GABRB1: variants seen among roughly 807,000 people sequenced by gnomAD.
GABRB1 encodes gamma-aminobutyric acid type A receptor subunit beta1.
Under a neutral mutation model 51.6 loss-of-function variants are expected in GABRB1, and 17 were observed. That is an observed-to-expected ratio of 0.33 (90% CI 0.23 to 0.49). The LOEUF is 0.49. Among genes scored for constraint, GABRB1 ranks in the 20% least tolerant of loss-of-function variants. The pLI is 0.99. For missense variants in GABRB1, 410 were observed against 600.6 expected (o/e 0.68, Z 3.32); for synonymous variants, 247 against 218.9 (o/e 1.13, Z -1.14).
At chr4:47,356,774 G>A (rs1460947622) in intron 5 of GABRB1, among the ~76,000 whole-genome samples, 1 of 152,064 alleles carries the variant, frequency 6.6e-6, no homozygotes. Flanking sequence ...ACCCAGAATT[G>A]ACATTTATTT....
chr4:47,162,180 G>A (rs1375743079), intron 4 of GABRB1, among the ~76,000 whole-genome samples: 1 of 152,048 alleles, frequency 6.6e-6, no homozygotes, highest in Non-Finnish European at 1.5e-5. Context: ...GTTCCCTTGA[G>A]TCTATTGATA....
intron 3 of GABRB1, among the ~76,000 whole-genome samples, chr4:47,132,689 C>T (rs1463376851): frequency 6.6e-6 from 1 of 152,078 alleles, no homozygotes. Context: ...ATTTCTTGAA[C>T]GAAGGAAAAT....
intron 1 of GABRB1, among the ~76,000 whole-genome samples, chr4:47,022,631 A>AATAG (rs2109453796): frequency 6.6e-6 from 1 of 152,202 alleles, no homozygotes; most frequent in African/African-American, 2.4e-5. Flanking sequence ...AATAGCTTAG[A>AATAG]TCCAAAAGAC....
intron 5 of GABRB1, among the ~76,000 whole-genome samples, chr4:47,393,282 A>G (rs1728070115): frequency 6.6e-6 from 1 of 152,246 alleles, no homozygotes; most frequent in Admixed American, 6.5e-5. Context: ...TTTGACTGCA[A>G]GCAAAAATGA....
chr4:47,293,895 C>T (rs546067381), intron 4 of GABRB1, among the ~76,000 whole-genome samples: 2 of 152,264 alleles, frequency 1.3e-5, no homozygotes, highest in African/African-American at 4.8e-5. Context: ...ATAAGCATTT[C>T]AGCTGACTAG....
chr4:47,267,471 C>T (rs187642880), intron 4 of GABRB1, among the ~76,000 whole-genome samples: 3 of 151,670 alleles, frequency 2.0e-5, no homozygotes, highest in East Asian at 1.9e-4. Flanking sequence ...ATTCAGTCAT[C>T]GAAATGACAG....
chr4:47,135,799 A>G (rs569177938), intron 3 of GABRB1, among the ~76,000 whole-genome samples: 1 of 152,110 alleles, frequency 6.6e-6, no homozygotes, highest in East Asian at 1.9e-4. Context: ...CTCTTTCCTG[A>G]CTTAAAAAAA....
chr4:47,235,960 T>C lies in GABRB1; in HGVS notation c.461+74491T>C, dbSNP rs115660597. Among the ~76,000 whole-genome samples, 440 of 152,198 alleles carry C rather than the reference T, an allele frequency of 2.9e-3. 3 individuals carry two copies. The highest frequency in any genetic ancestry group is 0.01 in the African/African-American group (430 of 41,564). On this transcript the variant is annotated intron_variant, in intron 4 of 8. Transcript: ENST00000295454. ...CACAAACGTCCCCATTCCTCCAAAA[T>C]TTCTCATTTAAAATGGATTGAAGTG...
intron 5 of GABRB1, among the ~76,000 whole-genome samples, chr4:47,325,228 A>G (rs952385845): frequency 1.2e-4 from 19 of 152,158 alleles, no homozygotes; most frequent in Non-Finnish European, 1.6e-4. Flanking sequence ...CAAGGTCAGG[A>G]GTTCAAGACC....
chr4:47,322,124 G>T (rs1468001500), intron 5 of GABRB1, among the ~76,000 whole-genome samples: 1 of 152,026 alleles, frequency 6.6e-6, no homozygotes, highest in Non-Finnish European at 1.5e-5. Flanking sequence ...ACTTTTGTGG[G>T]GAAGGGATGA....
intron 3 of GABRB1, among the ~76,000 whole-genome samples, chr4:47,101,262 A>T (rs994183569): frequency 6.6e-6 from 1 of 152,054 alleles, no homozygotes; most frequent in Non-Finnish European, 1.5e-5. Context: ...ATCATGCATG[A>T]AACCAAATTA....
At chr4:47,031,841 T>C (rs1453670555) in intron 1 of GABRB1, 73 bp from the exon 2 acceptor site, 94 of 1,500,918 alleles carry the variant, frequency 6.3e-5, no homozygotes, top group Non-Finnish European at 8.2e-5. Flanking sequence ...TGGGGGTAGG[T>C]GTGCCTGTAT....
At chr4:47,370,278 G>C (rs1727142171) in intron 5 of GABRB1, among the ~76,000 whole-genome samples, 1 of 152,134 alleles carries the variant, frequency 6.6e-6, no homozygotes, top group Admixed American at 6.5e-5. Context: ...CACAAAGTCA[G>C]GAGTTCGAGA....
intron 1 of GABRB1, among the ~76,000 whole-genome samples, chr4:47,010,858 A>G (rs1724561040): frequency 6.6e-6 from 1 of 152,214 alleles, no homozygotes; most frequent in African/African-American, 2.4e-5. Flanking sequence ...GTGTTAATAC[A>G]TGTTAAAACT....
intron 3 of GABRB1, among the ~76,000 whole-genome samples, chr4:47,137,117 G>T (rs1560552426): frequency 1.3e-5 from 2 of 152,122 alleles, no homozygotes; most frequent in African/African-American, 4.8e-5. Context: ...ATGGCTTAAA[G>T]ACTCAAATAT....
At chr4:47,254,955 T>G (rs1290480565) in intron 4 of GABRB1, among the ~76,000 whole-genome samples, 1 of 152,210 alleles carries the variant, frequency 6.6e-6, no homozygotes, top group Admixed American at 6.5e-5. Context: ...CTCATACAAT[T>G]CTGCCTATTT....
At chr4:47,184,839 G>A (rs1719105577) in intron 4 of GABRB1, among the ~76,000 whole-genome samples, 1 of 151,906 alleles carries the variant, frequency 6.6e-6, no homozygotes, top group Non-Finnish European at 1.5e-5. Context: ...AGGGGTTAAT[G>A]AGATCAGAGA....
chr4:47,377,505 G>A (rs1727430024), intron 5 of GABRB1, among the ~76,000 whole-genome samples: 1 of 151,946 alleles, frequency 6.6e-6, no homozygotes, highest in Non-Finnish European at 1.5e-5. Flanking sequence ...AATCCAATGT[G>A]GACCCAAAGA....
chr4:47,260,948 C>A (rs1722408479), intron 4 of GABRB1, among the ~76,000 whole-genome samples: 1 of 152,072 alleles, frequency 6.6e-6, no homozygotes, highest in Non-Finnish European at 1.5e-5. Context: ...AAGACAAAAA[C>A]CACATGATTA....
Sources: allele counts gnomAD v4.1 joint callset (sites outside exome capture counted in the v4.1 genomes callset), GRCh38; gene constraint gnomAD v4.1.1; transcripts MANE v1.5; gene names NCBI Gene and HGNC (gene_info 2026-07-23, HGNC 2026-07-21).